MUC4: variants seen among roughly 807,000 people sequenced by gnomAD.
MUC4 encodes mucin 4, cell surface associated.
In MUC4, 202 loss-of-function variants were observed where a neutral mutation model predicts 257.9. The ratio of observed to expected loss-of-function variants is 0.78; its 90% CI spans 0.70 to 0.88. MUC4 has a LOEUF of 0.88. Among genes scored for constraint, MUC4 ranks in the 40% least tolerant of loss-of-function variants. The pLI is 0.00. For synonymous variants in MUC4, 2,351 were observed against 2,757.1 expected (o/e 0.85, Z 4.62); for missense variants, 5,976 against 6,513.7 (o/e 0.92, Z 2.84).
At chr3:195,807,514 T>TA (rs888070633) in intron 1 of MUC4, among the ~76,000 whole-genome samples, 5 of 151,674 alleles carry the variant, frequency 3.3e-5, no homozygotes, top group South Asian at 4.2e-4. Flanking sequence ...ACAGCAACAA[T>TA]AAAAAAACCG....
In MUC4 at chr3:195,790,730, G is replaced by A. The variant is rs1179736020; in HGVS notation, c.850C>T (p.Pro284Ser). The change falls in exon 2 of 25, where the codon CCT becomes TCT. Residue 284 changes from proline (P) to serine (S), a missense_variant. Physicochemically the swap from Pro to Ser is moderately conservative, Grantham distance 74. This residue lies in a region of MUC4 where 1,583 missense variants were observed against 1,257.4 expected (regional missense o/e 1.26). Transcript: ENST00000463781. ...LGNPGETSSV[P>S]VTGSLMPVTS... The stretch of plus-strand genomic sequence containing the variant: ...ACTGGCATAAGACTTCCAGTAACAG[G>A]TACTGATGATGTCTCCCCTGGGTTT... 1 of 1,613,830 alleles carries A rather than the reference G, an allele frequency of 6.2e-7. No homozygotes were observed. Among genetic ancestry groups the A allele is most frequent in the African/African-American group, 1.3e-5 (1 of 74,872 alleles).
At chr3:195,777,635 C>G (rs1578171856) in intron 3 of MUC4, among the ~76,000 whole-genome samples, 1 of 125,830 alleles carries the variant, frequency 7.9e-6, no homozygotes. Context: ...CACACCCATA[C>G]CTTCCACAGT....
Position 195,788,972 on chromosome 3 carries a change from C to A in MUC4, c.2608G>T (p.Gly870Cys). ...TCAGAGAGGGTGGGATGAAAGGTGC[C>A]GGGGACGATCGAAGACGCCATTCCT... ...STGMASSIVP[G>C]TFHPTLSEAS... Residue 870 changes from glycine to cysteine, a missense_variant, in exon 2 of 25, where the codon GGC (glycine) becomes TGC (cysteine). Coordinates refer to ENST00000463781, the MANE Select transcript of MUC4 (RefSeq NM_018406.7). The A allele has an allele frequency of 6.2e-7, 1 of 1,613,566 alleles. No homozygotes were observed. Among genetic ancestry groups the A allele is most frequent in the Non-Finnish European group, 8.5e-7 (1 of 1,179,770 alleles).
chr3:195,754,256 C>G lies in MUC4; in HGVS notation c.15285G>C (p.Glu5095Asp), dbSNP rs201716872. 365 of 1,614,046 alleles carry G rather than the reference C, an allele frequency of 2.3e-4. 5 individuals carry two copies. The South Asian group carries it at 3.4e-3, about 15-fold the overall frequency. Residue 5095 changes from glutamate to aspartate, a missense_variant, in exon 19 of 25, where the codon GAG becomes GAC. By Grantham distance (45) the Glu-to-Asp change is conservative. Coordinates refer to ENST00000463781, the MANE Select transcript of MUC4 (RefSeq NM_018406.7). ...CCCCAGTCAGGTTTGGAGGGCAGGC[C>G]TCGCAGCCCTTCCCAGGAACGCAGT... Reference protein sequence around the residue: ...SVHCVPGKGCEACPPNLTGDG... With the variant: ...SVHCVPGKGCDACPPNLTGDG...
intron 19 of MUC4, 112 bp downstream of exon 19, chr3:195,754,101 T>C: frequency 1.4e-6 from 2 of 1,383,150 alleles, no homozygotes; most frequent in Non-Finnish European, 2.0e-6. Context: ...AGATTGAGCA[T>C]TCTAAAGATC....
rs78482498 is a variant in MUC4 at position 195,768,337 on chromosome 3, T to C, written c.13529+685A>G. On this transcript the variant is annotated intron_variant, in intron 7 of 24. Transcript: ENST00000463781. ...TCGTACTGATTGCCACACCCCAGCA[T>C]ATGGGAACAGAGATGGCGCACTGCT... Among the ~76,000 whole-genome samples the C allele has an allele frequency of 4.6e-3, 694 of 152,268 alleles. 29 individuals carry two copies. In the East Asian group the frequency reaches 0.11, roughly 24 times the overall value.
chr3:195,789,156 G>A lies in MUC4; in HGVS notation c.2424C>T (p.Ser808=), dbSNP rs527727094. Residue 808 remains serine, a synonymous_variant, in exon 2 of 25, where the codon TCC becomes TCT. Coordinates refer to ENST00000463781, the MANE Select transcript of MUC4 (RefSeq NM_018406.7). ...TSAGTATPSS[S]GASGTTPSGS... ...CTGAAGGTGTTGTGCCACTCGCCCC[G>A]GATGAGGAAGGGGTAGCTGTGCCCG... The A allele has an allele frequency of 4.5e-5, 73 of 1,613,668 alleles. No homozygotes were observed. The highest frequency in any genetic ancestry group is 1.6e-4 in the Middle Eastern group (1 of 6,082).
At chr3:195,811,404 C>G (rs545635167) in intron 1 of MUC4, among the ~76,000 whole-genome samples, 1 of 152,128 alleles carries the variant, frequency 6.6e-6, no homozygotes, top group Non-Finnish European at 1.5e-5. Flanking sequence ...GAACTCCTGA[C>G]CTCAGGTGAT....
At position 195,765,085 on chromosome 3, in the gene MUC4, G is replaced by A. The variant is rs1004010455; in HGVS notation, c.13836C>T (p.Phe4612=). 25 of 1,613,654 alleles carry A rather than the reference G, an allele frequency of 1.5e-5. No individual in the cohort carries two copies. The highest frequency in any genetic ancestry group is 2.0e-5 in the Non-Finnish European group (24 of 1,179,886). Residue 4612 remains phenylalanine, a synonymous_variant, in exon 10 of 25, where the codon TTC becomes TTT. Coordinates refer to ENST00000463781, the MANE Select transcript of MUC4 (RefSeq NM_018406.7). The part of the protein sequence containing the change: ...WGLGSRQLCS[F]TSWRGGVCCS... ...AGCACACGCCTCCTCGCCAAGAGGT[G>A]AAGCTGCACAGCTGCCTACTGCCGA...
At chr3:195,751,505 C>A (rs977373950) in intron 21 of MUC4, 5 of 594,256 alleles carry the variant, frequency 8.4e-6, no homozygotes, top group Middle Eastern at 8.8e-4. Context: ...TTCTGTCCCC[C>A]CCTCAGCCTC....
intron 1 of MUC4, among the ~76,000 whole-genome samples, chr3:195,800,543 C>T (rs60153093): frequency 0.085 from 12,930 of 152,174 alleles, 1,371 homozygotes; most frequent in African/African-American, 0.25. Flanking sequence ...TTGCATTTGT[C>T]TTTCACCATC....
intron 1 of MUC4, 40 bp from the exon 2 acceptor site, chr3:195,791,537 T>C (rs767665805): frequency 2.5e-5 from 32 of 1,294,370 alleles, no homozygotes; most frequent in Non-Finnish European, 2.2e-6. Context: ...AGCTAAATCA[T>C]GAATGAACTC....
intron 3 of MUC4, among the ~76,000 whole-genome samples, chr3:195,778,001 C>G (rs1165380142): frequency 3.3e-5 from 5 of 152,152 alleles, no homozygotes; most frequent in African/African-American, 9.7e-5. Context: ...CCATCCCCGG[C>G]TCTGCATTCC....
intron 16 of MUC4, among the ~76,000 whole-genome samples, chr3:195,759,814 G>A (rs931394745): frequency 7.1e-6 from 1 of 140,664 alleles, no homozygotes; most frequent in African/African-American, 2.6e-5. Context: ...AGCTATTCAG[G>A]AGGCTGAAAC....
chr3:195,749,161 G>A, intron 23 of MUC4, 97 bp from the exon 24 acceptor site: 2 of 1,436,408 alleles, frequency 1.4e-6, no homozygotes, highest in South Asian at 1.3e-5. Context: ...TTTATCCTGA[G>A]AAATAATTGG....
chr3:195,762,762 C>T (rs1405873431), intron 13 of MUC4, 93 bp downstream of exon 13: 1 of 1,224,598 alleles, frequency 8.2e-7, no homozygotes, highest in African/African-American at 1.6e-5. Context: ...GGCCCTGCAC[C>T]GCCACGCGCC....
At position 195,810,478 on chromosome 3, in the gene MUC4, C is replaced by CG. The variant is rs1177977494; in HGVS notation, c.82+1257dup. On this transcript the variant is annotated intron_variant, in intron 1 of 24. Coordinates refer to ENST00000463781, the MANE Select transcript of MUC4 (RefSeq NM_018406.7). The surrounding 1 kb of genome is among the most constrained non-coding windows in gnomAD (Gnocchi z 4.2). ...AGCCTGGAAAGTGTGGGGAAGAGGA[C>CG]GGGGGCCCCCGAGGGAACATCTCCC... 6.5e-6 allele frequency: 1 copy of CG among 153,522 alleles called. No individual in the cohort carries two copies. The highest frequency in any genetic ancestry group is 2.4e-5 in the African/African-American group (1 of 41,468). 9.5% of individuals were successfully genotyped at this position (153,522 alleles called of 1,614,324 possible). A position where few individuals can be genotyped will look rare whatever the true frequency, so the allele number is the denominator to read the frequency against.
chr3:195,780,339 G>A lies in MUC4; in HGVS notation c.11241C>T (p.Val3747=), dbSNP rs1238967816. The A allele has an allele frequency of 1.2e-5, 19 of 1,530,816 alleles. 1 individual carries two copies. Among genetic ancestry groups the A allele is most frequent in the African/African-American group, 1.4e-5 (1 of 69,856 alleles). The allele number at this position is 1,530,816 out of a possible 1,614,324, so 94.8% of individuals were successfully genotyped here. ...ASTGHVTPLP[V]TSTSSASTGH... The stretch of plus-strand genomic sequence containing the variant: ...CTGTGGATGCTGAGGAAGTGCTGGT[G>A]ACAGGAAGAGGGGTGACGTGACCTG... The change falls in exon 2 of 25, where the codon GTC becomes GTT. Residue 3747 remains valine, a synonymous_variant. Coordinates refer to ENST00000463781, the MANE Select transcript of MUC4 (RefSeq NM_018406.7).
chr3:195,811,629 A>ATT (rs1360105828), intron 1 of MUC4, 107 bp downstream of exon 1: 9 of 875,596 alleles, frequency 1.0e-5, no homozygotes, highest in East Asian at 2.7e-5. Flanking sequence ...CCTTTCCCCT[A>ATT]TTCTCTCTCT....
Sources: allele counts gnomAD v4.1 joint callset (sites outside exome capture counted in the v4.1 genomes callset), GRCh38; gene constraint gnomAD v4.1.1; regional missense constraint gnomAD v4.1.1; non-coding constraint Gnocchi (gnomAD v3.1); transcripts MANE v1.5; gene names NCBI Gene and HGNC (gene_info 2026-07-23, HGNC 2026-07-21).